OLFML2A: variants seen among roughly 807,000 people sequenced by gnomAD.
OLFML2A encodes olfactomedin-like protein 2A.
Under a neutral mutation model 60.9 loss-of-function variants are expected in OLFML2A, and 47 were observed. The observed-to-expected ratio is 0.77, with a 90% CI of 0.61 to 0.98. OLFML2A has a LOEUF of 0.98. Among genes scored for constraint, OLFML2A ranks in the 50% least tolerant of loss-of-function variants. The pLI is 0.00. For synonymous variants in OLFML2A, 372 were observed against 375.0 expected (o/e 0.99, Z 0.09); for missense variants, 922 against 879.8 (o/e 1.05, Z -0.61).
At position 124,810,378 on chromosome 9, in the gene OLFML2A, A is replaced by G; in HGVS notation, c.1925A>G (p.His642Arg). The change falls in exon 8 of 8, where the codon CAC (histidine) becomes CGC (arginine). Residue 642 changes from histidine to arginine, a missense_variant. Transcript: ENST00000373580. ...GTGCTGTACGCCTGGGACAATGGCC[A>G]CCAGCTCACCTACACCCTCCACTTC... ...ERVLYAWDNG[H>R]QLTYTLHFVV 1.2e-6 allele frequency: 2 copies of G among 1,600,714 alleles called. No homozygotes were observed. Among genetic ancestry groups the G allele is most frequent in the Non-Finnish European group, 1.7e-6 (2 of 1,179,572 alleles).
intron 4 of OLFML2A, chr9:124,800,928 G>GT: frequency 6.5e-7 from 1 of 1,542,156 alleles, no homozygotes; most frequent in Non-Finnish European, 8.8e-7. Context: ...GGACTTGAGG[G>GT]TTTTTCCAGG....
chr9:124,809,439 A>G (rs574484434), intron 7 of OLFML2A, among the ~76,000 whole-genome samples: 96 of 152,148 alleles, frequency 6.3e-4, no homozygotes, highest in African/African-American at 2.1e-3. Flanking sequence ...GGGCTCTGAA[A>G]GATGGGCAGG....
In OLFML2A at chr9:124,799,377, T is replaced by A; in HGVS notation, c.555T>A (p.Ser185=). The A allele has an allele frequency of 1.2e-6, 2 of 1,613,918 alleles. No individual in the cohort carries two copies. Among genetic ancestry groups the A allele is most frequent in the Non-Finnish European group, 1.7e-6 (2 of 1,179,946 alleles). ...AGTTGAGGCACTATGAGAATCACTC[T>A]GCCATCATGCTGGGCATCAAGAAGG... ...SEQLRHYENH[S]AIMLGIKKEL... The change falls in exon 4 of 8, where the codon TCT becomes TCA. Residue 185 remains serine, a synonymous_variant. Transcript: ENST00000373580.
chr9:124,777,709 C>T lies in OLFML2A; in HGVS notation c.90+349C>T, dbSNP rs1178756901. ...CTGGCAACTGTTACCCAACGACTCCCAGGCTTGCAGCAAGCCCTGGGCCAC... is the reference window on the plus strand; with the variant it reads ...CTGGCAACTGTTACCCAACGACTCCTAGGCTTGCAGCAAGCCCTGGGCCAC... On this transcript the variant is annotated intron_variant, in intron 1 of 7. Transcript: ENST00000373580. The surrounding 1 kb of genome is among the most constrained non-coding windows in gnomAD (Gnocchi z 6.2). Among the ~76,000 whole-genome samples the T allele has an allele frequency of 1.3e-5, 2 of 152,136 alleles. No individual in the cohort carries two copies. The highest frequency in any genetic ancestry group is 2.9e-5 in the Non-Finnish European group (2 of 67,998).
At chr9:124,808,010 C>T in intron 7 of OLFML2A, 44 bp downstream of exon 7, 1 of 1,495,102 alleles carries the variant, frequency 6.7e-7, no homozygotes, top group Non-Finnish European at 9.3e-7. Context: ...GTATGGACAA[C>T]CTGGGGAGGG....
At chr9:124,783,825 A>G (rs1482483916) in intron 1 of OLFML2A, among the ~76,000 whole-genome samples, 2 of 152,210 alleles carry the variant, frequency 1.3e-5, no homozygotes, top group African/African-American at 4.8e-5. Flanking sequence ...GGGGAGACAG[A>G]ATATACACAA....
intron 4 of OLFML2A, 102 bp downstream of exon 4, chr9:124,799,593 C>T (rs1841735953): frequency 2.0e-6 from 2 of 976,968 alleles, no homozygotes; most frequent in Non-Finnish European, 3.0e-6. Flanking sequence ...GGGTTTGGGG[C>T]TGTAAGATGG....
chr9:124,792,810 C>A (rs1339028541), intron 2 of OLFML2A, among the ~76,000 whole-genome samples: 1 of 152,238 alleles, frequency 6.6e-6, no homozygotes, highest in Non-Finnish European at 1.5e-5. Flanking sequence ...TACACTGCTG[C>A]TCCTTACTAC....
chr9:124,783,343 A>C (rs576430544), intron 1 of OLFML2A, among the ~76,000 whole-genome samples: 10 of 152,294 alleles, frequency 6.6e-5, no homozygotes, highest in African/African-American at 2.2e-4. Context: ...ATGGTGGCAC[A>C]TGCCTGTAGT....
rs893193382 is a variant in OLFML2A at position 124,781,755 on chromosome 9, T to C, written c.90+4395T>C. Among the ~76,000 whole-genome samples the C allele has an allele frequency of 4.0e-5, 6 of 150,996 alleles. No individual in the cohort carries two copies. The South Asian group carries it at 6.3e-4, about 16-fold the overall frequency. On this transcript the variant is annotated intron_variant, in intron 1 of 7. Transcript: ENST00000373580. ...GTTGCAGTGAGCCAAGATCGCGCCA[T>C]TGCACTCCAGCCCGGGCAACAGAGC...
In OLFML2A at chr9:124,812,864, C is replaced by A. The variant is rs1842047925; in HGVS notation, c.*2452C>A. On this transcript the variant is annotated 3_prime_UTR_variant, in exon 8 of 8. Transcript: ENST00000373580. ...CTGGGGGAACGATCCTGGCCACAGC[C>A]GCCAAACAAACATTCACTAGGCCTC... The A allele has an allele frequency of 6.6e-6, 1 of 152,246 alleles. No individual in the cohort carries two copies. Among genetic ancestry groups the A allele is most frequent in the Admixed American group, 6.5e-5 (1 of 15,280 alleles). The allele number at this position is 152,246 out of a possible 1,614,324, so 9.4% of individuals were successfully genotyped here.
At chr9:124,808,037 G>A (rs1841938598) in intron 7 of OLFML2A, 71 bp downstream of exon 7, 3 of 1,182,448 alleles carry the variant, frequency 2.5e-6, no homozygotes, top group African/African-American at 1.5e-5. Context: ...ATGGGGACTT[G>A]GCCTTCCTTG....
chr9:124,794,031 A>T (rs1841616750), intron 2 of OLFML2A, among the ~76,000 whole-genome samples: 1 of 152,156 alleles, frequency 6.6e-6, no homozygotes, highest in Non-Finnish European at 1.5e-5. Context: ...AGAGTCTCTG[A>T]AAAACAAACA....
intron 2 of OLFML2A, among the ~76,000 whole-genome samples, chr9:124,791,978 T>G (rs557319681): frequency 8.5e-4 from 129 of 152,302 alleles, no homozygotes; most frequent in African/African-American, 2.7e-3. Context: ...AACACCATCC[T>G]TCTCCTCTCC....
chr9:124,785,651 C>A lies in OLFML2A; in HGVS notation c.91-1324C>A, dbSNP rs573477369. ...TCCTGACCTCGTGATCTGCCTGCCTCGGCCTCCCAAAGTGCTGGGATTACA... is the reference window on the plus strand; with the variant it reads ...TCCTGACCTCGTGATCTGCCTGCCTAGGCCTCCCAAAGTGCTGGGATTACA... On this transcript the variant is annotated intron_variant, in intron 1 of 7. Transcript: ENST00000373580. 1.3e-4 allele frequency among the ~76,000 whole-genome samples: 20 copies of A among 152,096 alleles called. No homozygotes were observed. In the South Asian group the frequency reaches 3.9e-3, roughly 30 times the overall value.
intron 6 of OLFML2A, among the ~76,000 whole-genome samples, chr9:124,805,191 G>A (rs530354974): frequency 2.0e-5 from 3 of 152,060 alleles, no homozygotes; most frequent in Admixed American, 6.6e-5. Context: ...CCGTCCTTCC[G>A]AAGGGATCTT....
chr9:124,797,771 G>A (rs1037411243), intron 3 of OLFML2A, among the ~76,000 whole-genome samples: 1 of 152,210 alleles, frequency 6.6e-6, no homozygotes, highest in African/African-American at 2.4e-5. Context: ...GTCCTCTCCA[G>A]TGAACAAGGC....
intron 4 of OLFML2A, among the ~76,000 whole-genome samples, 200 bp downstream of exon 4, chr9:124,799,691 A>C (rs1056280952): frequency 6.6e-6 from 1 of 152,180 alleles, no homozygotes; most frequent in Non-Finnish European, 1.5e-5. Context: ...AGCACAGGGA[A>C]TGGGGGATAG....
At position 124,810,719 on chromosome 9, in the gene OLFML2A, T is replaced by C. The variant is rs1037276792; in HGVS notation, c.*307T>C. The C allele has an allele frequency of 3.2e-5, 13 of 402,712 alleles. No individual in the cohort carries two copies. The highest frequency in any genetic ancestry group is 5.0e-5 in the Non-Finnish European group (11 of 220,664). 24.9% of individuals were successfully genotyped at this position (402,712 alleles called of 1,614,324 possible). A position where few individuals can be genotyped will look rare whatever the true frequency, so the allele number is the denominator to read the frequency against. The stretch of plus-strand genomic sequence containing the variant: ...GACAGGCTCAGAGAGGCACCGTCCC[T>C]TGCCTAACACCTCAGTTGTGATCAG... On this transcript the variant is annotated 3_prime_UTR_variant, in exon 8 of 8. Transcript: ENST00000373580.
Sources: gnomAD v4.1 joint callset for allele counts (sites outside exome capture counted in the v4.1 genomes callset) on GRCh38, gnomAD v4.1.1 for gene constraint, Gnocchi (gnomAD v3.1) non-coding constraint, MANE v1.5 for transcripts, NCBI Gene and HGNC (gene_info 2026-07-23, HGNC 2026-07-21) for gene names.